ALMS1: variants seen among roughly 807,000 people sequenced by gnomAD.
The protein encoded by ALMS1 is ALMS1 centrosome and basal body associated protein.
ALMS1 carries 271 observed loss-of-function variants against 352.2 expected under a neutral mutation model. The observed-to-expected ratio is 0.77, with a 90% CI of 0.70 to 0.85. ALMS1 has a LOEUF of 0.85. ALMS1 is among the 40% of genes least tolerant of loss of function. ALMS1 has a pLI of 0.00. For synonymous variants in ALMS1, 1,865 were observed against 1,761.2 expected (o/e 1.06, Z -1.48); for missense variants, 5,445 against 4,870.7 (o/e 1.12, Z -3.51).
rs776934660 is a variant in ALMS1 at position 73,450,725 on chromosome 2, C to T, written c.4198C>T (p.His1400Tyr). The change falls in exon 8 of 23, where the codon CAT becomes TAT. Residue 1400 changes from histidine to tyrosine, a missense_variant. Physicochemically the swap from His to Tyr is moderately conservative, Grantham distance 83. Transcript: ENST00000613296. ...CTACCAACAGTCGTTGCCAGGTAGT[C>T]ATCTAACTGAAGAGGCTAAGAACGT... ...IFYQQSLPGSHLTEEAKNVSA... is the reference protein window; with the variant it reads ...IFYQQSLPGSYLTEEAKNVSA... 3 of 1,613,278 alleles carry T rather than the reference C, an allele frequency of 1.9e-6. No individual in the cohort carries two copies. The highest frequency in any genetic ancestry group is 2.5e-6 in the Non-Finnish European group (3 of 1,179,596).
intron 7 of ALMS1, among the ~76,000 whole-genome samples, chr2:73,444,002 T>G (rs2103762507): frequency 6.6e-6 from 1 of 152,300 alleles, no homozygotes; most frequent in African/African-American, 2.4e-5. Flanking sequence ...GTTCCCTGCC[T>G]CTAAACCTAA....
chr2:73,549,668 A>G (rs1476678217), intron 12 of ALMS1, among the ~76,000 whole-genome samples: 2 of 152,148 alleles, frequency 1.3e-5, no homozygotes, highest in African/African-American at 2.4e-5. Flanking sequence ...TCCTTCCTCC[A>G]AAACCATCAT....
chr2:73,549,939 A>G (rs1248992749), intron 12 of ALMS1, among the ~76,000 whole-genome samples: 2 of 152,122 alleles, frequency 1.3e-5, no homozygotes, highest in Non-Finnish European at 2.9e-5. Context: ...TGCTCACTGC[A>G]ACCTCTGCCT....
At chr2:73,479,219 T>C (rs1201026274) in intron 9 of ALMS1, among the ~76,000 whole-genome samples, 6 of 152,222 alleles carry the variant, frequency 3.9e-5, no homozygotes, top group Non-Finnish European at 7.3e-5. Context: ...ATATCACATA[T>C]ACCCTTCACC....
At chr2:73,541,907 A>G (rs542813630) in intron 12 of ALMS1, among the ~76,000 whole-genome samples, 1 of 152,366 alleles carries the variant, frequency 6.6e-6, no homozygotes, top group East Asian at 1.9e-4. Context: ...GTCCAGGACC[A>G]GATGGATTCA....
chr2:73,395,964 TA>T (rs909112496), intron 1 of ALMS1, among the ~76,000 whole-genome samples: 2 of 151,838 alleles, frequency 1.3e-5, no homozygotes, highest in Non-Finnish European at 2.9e-5. Context: ...GCTGATGAGC[TA>T]AAAAAAATTG....
At chr2:73,594,548 A>G (rs907279532) in intron 16 of ALMS1, among the ~76,000 whole-genome samples, 1 of 152,186 alleles carries the variant, frequency 6.6e-6, no homozygotes. Context: ...ACCCACTCCC[A>G]TCAACACTTC....
intron 9 of ALMS1, among the ~76,000 whole-genome samples, chr2:73,464,806 A>G (rs1315951752): frequency 6.6e-6 from 1 of 152,230 alleles, no homozygotes. Flanking sequence ...CCAACAGCAG[A>G]CAAAGAGCGA....
intron 10 of ALMS1, among the ~76,000 whole-genome samples, chr2:73,509,516 G>A (rs1375063309): frequency 6.6e-6 from 1 of 152,116 alleles, no homozygotes; most frequent in Non-Finnish European, 1.5e-5. Context: ...CTTCACTTAT[G>A]ATGCTTAGTT....
intron 15 of ALMS1, among the ~76,000 whole-genome samples, chr2:73,563,578 C>T (rs867510287): frequency 6.6e-6 from 1 of 151,698 alleles, no homozygotes; most frequent in African/African-American, 2.4e-5. Flanking sequence ...AAAAAATTAG[C>T]CGGGCGTGGT....
At chr2:73,390,986 G>C (rs1378051483) in intron 1 of ALMS1, among the ~76,000 whole-genome samples, 1 of 151,970 alleles carries the variant, frequency 6.6e-6, no homozygotes, top group Non-Finnish European at 1.5e-5. Flanking sequence ...GGCCAGGATG[G>C]TCTTGATCTC....
At chr2:73,494,821 A>T (rs921784748) in intron 10 of ALMS1, among the ~76,000 whole-genome samples, 3 of 152,208 alleles carry the variant, frequency 2.0e-5, no homozygotes, top group African/African-American at 7.2e-5. Context: ...TCCTTTGGAG[A>T]TACTAAACAT....
intron 15 of ALMS1, among the ~76,000 whole-genome samples, chr2:73,565,296 T>C (rs1674779807): frequency 6.6e-6 from 1 of 151,850 alleles, no homozygotes; most frequent in South Asian, 2.1e-4. Context: ...TGCACAGGGA[T>C]GGGGAATATG....
rs1244157180 is a variant in ALMS1 at position 73,491,114 on chromosome 2, G to C, written c.9155G>C (p.Cys3052Ser). Residue 3052 changes from cysteine to serine, a missense_variant, in exon 10 of 23, where the codon TGT (cysteine) becomes TCT (serine). Transcript: ENST00000613296. ...KALSCVHITL[C>S]PKTSSKLDSG... is the part of the protein sequence containing the mutation. ...CTTTCTTGTGTTCATATAACTCTTT[G>C]TCCCAAGACTTCTTCCAAGTTGGAT... 2 of 1,613,980 alleles carry C rather than the reference G, an allele frequency of 1.2e-6. No individual in the cohort carries two copies. The highest frequency in any genetic ancestry group is 2.2e-5 in the East Asian group (1 of 44,898).
chr2:73,403,918 G>T (rs1325209753), intron 1 of ALMS1, among the ~76,000 whole-genome samples: 2 of 151,414 alleles, frequency 1.3e-5, no homozygotes, highest in African/African-American at 4.9e-5. Context: ...TTTTCTTTTT[G>T]AGACAGAGTC....
chr2:73,493,710 G>A (rs1673039913), intron 10 of ALMS1, among the ~76,000 whole-genome samples: 1 of 151,752 alleles, frequency 6.6e-6, no homozygotes, highest in African/African-American at 2.4e-5. Context: ...AACAAAGCGA[G>A]ACTCTGCCTC....
chr2:73,559,418 A>G (rs1429549718), intron 15 of ALMS1, among the ~76,000 whole-genome samples: 1 of 152,184 alleles, frequency 6.6e-6, no homozygotes, highest in African/African-American at 2.4e-5. Context: ...TGATAGTTTT[A>G]GAAGTGAAGT....
At position 73,419,325 on chromosome 2, in the gene ALMS1, C is replaced by T. The variant is rs1445708623; in HGVS notation, c.646+7C>T. On this transcript the variant is annotated splice_region_variant and intron_variant, in intron 3 of 22. Coordinates refer to ENST00000613296, the MANE Select transcript of ALMS1 (RefSeq NM_001378454.1). ...TTCTGTTCTCCACTGCTAGGTAATG[C>T]CTGTTTATTTTAACTAGTAGTAATA... 1 of 1,612,180 alleles carries T rather than the reference C, an allele frequency of 6.2e-7. No homozygotes were observed. Among genetic ancestry groups the T allele is most frequent in the Non-Finnish European group, 8.5e-7 (1 of 1,178,394 alleles).
At chr2:73,595,009 A>G (rs1429982352) in intron 16 of ALMS1, among the ~76,000 whole-genome samples, 1 of 152,208 alleles carries the variant, frequency 6.6e-6, no homozygotes, top group African/African-American at 2.4e-5. Flanking sequence ...TCTGTGGCCT[A>G]ACGTATGTTA....
Sources: gnomAD v4.1 joint callset for allele counts (sites outside exome capture counted in the v4.1 genomes callset) on GRCh38, gnomAD v4.1.1 for gene constraint, MANE v1.5 for transcripts, NCBI Gene and HGNC (gene_info 2026-07-23, HGNC 2026-07-21) for gene names.